PTPRK: variants seen among roughly 807,000 people sequenced by gnomAD.
PTPRK encodes the protein receptor-type tyrosine-protein phosphatase kappa.
PTPRK carries 75 observed loss-of-function variants against 178.0 expected under a neutral mutation model. The ratio of observed to expected loss-of-function variants is 0.42; its 90% CI spans 0.35 to 0.51. The LOEUF is 0.51. Among genes scored for constraint, PTPRK ranks in the 20% least tolerant of loss-of-function variants. PTPRK has a pLI of 0.02. For missense variants in PTPRK, 1,441 were observed against 1,797.8 expected (o/e 0.80, Z 3.59); for synonymous variants, 637 against 620.6 (o/e 1.03, Z -0.39).
chr6:128,149,760 C>G (rs1191102543), intron 7 of PTPRK, among the ~76,000 whole-genome samples: 2 of 152,084 alleles, frequency 1.3e-5, no homozygotes, highest in African/African-American at 4.8e-5. Flanking sequence ...TATATGGAAG[C>G]CCATTCATAT....
intron 7 of PTPRK, among the ~76,000 whole-genome samples, chr6:128,182,322 T>C (rs1188295569): frequency 6.6e-6 from 1 of 152,186 alleles, no homozygotes; most frequent in Non-Finnish European, 1.5e-5. Flanking sequence ...ACAGCTGTAA[T>C]TCAAGCACTT....
intron 3 of PTPRK, chr6:128,320,931 T>C (rs923849170): frequency 1.3e-5 from 2 of 152,062 alleles, no homozygotes; most frequent in Non-Finnish European, 2.9e-5. Flanking sequence ...CTAATGAAAA[T>C]CCATTGAAAA....
At chr6:128,444,250 T>C (rs1846652312) in intron 1 of PTPRK, among the ~76,000 whole-genome samples, 1 of 152,156 alleles carries the variant, frequency 6.6e-6, no homozygotes, top group African/African-American at 2.4e-5. Flanking sequence ...AAATCCTGCT[T>C]ATCAGTTTAG....
At chr6:128,089,635 C>T in intron 8 of PTPRK, 55 bp downstream of exon 8, 2 of 1,465,418 alleles carry the variant, frequency 1.4e-6, no homozygotes, top group Non-Finnish European at 1.9e-6. Flanking sequence ...TTAAAGTAAT[C>T]ACATTTTTCT....
At chr6:128,199,170 T>C (rs774443514) in intron 6 of PTPRK, among the ~76,000 whole-genome samples, 3 of 152,200 alleles carry the variant, frequency 2.0e-5, no homozygotes, top group Non-Finnish European at 4.4e-5. Context: ...TATAGTAGTA[T>C]ATTCAAATAC....
At chr6:128,121,661 A>G (rs942417167) in intron 7 of PTPRK, among the ~76,000 whole-genome samples, 2 of 152,030 alleles carry the variant, frequency 1.3e-5, no homozygotes, top group African/African-American at 2.4e-5. Flanking sequence ...ACTCAAAGGA[A>G]TAAGTCAAAA....
chr6:128,149,125 T>C (rs928611713), intron 7 of PTPRK, among the ~76,000 whole-genome samples: 1 of 127,196 alleles, frequency 7.9e-6, no homozygotes, highest in Non-Finnish European at 1.6e-5. Flanking sequence ...ACGGAAATAC[T>C]TGGACACAGG....
At chr6:128,350,958 A>G (rs1409465383) in intron 2 of PTPRK, among the ~76,000 whole-genome samples, 3 of 152,186 alleles carry the variant, frequency 2.0e-5, no homozygotes, top group Non-Finnish European at 4.4e-5. Context: ...CTCTTCTTCA[A>G]TTTCTAAGCA....
At chr6:128,353,981 G>C (rs558164022) in intron 2 of PTPRK, among the ~76,000 whole-genome samples, 34 of 152,006 alleles carry the variant, frequency 2.2e-4, no homozygotes, top group Non-Finnish European at 4.7e-4. Context: ...AGGGAAAATG[G>C]ATAAAGGGAC....
chr6:128,060,524 A>G (rs1780634435), intron 13 of PTPRK, among the ~76,000 whole-genome samples: 1 of 152,162 alleles, frequency 6.6e-6, no homozygotes, highest in African/African-American at 2.4e-5. Context: ...ATTCTGGTTA[A>G]TTCATTTGAA....
At chr6:128,500,766 C>G (rs1021151275) in intron 1 of PTPRK, 1 of 152,152 alleles carries the variant, frequency 6.6e-6, no homozygotes, top group Non-Finnish European at 1.5e-5. Flanking sequence ...AGTTAAAAAT[C>G]TACATTTTGT....
intron 1 of PTPRK, among the ~76,000 whole-genome samples, chr6:128,506,505 T>A (rs184379853): frequency 1.2e-3 from 183 of 151,828 alleles, no homozygotes; most frequent in African/African-American, 4.2e-3. Context: ...AAAAAATTTT[T>A]AAAAATTAGC....
chr6:128,239,554 A>G (rs1813993507), intron 5 of PTPRK, among the ~76,000 whole-genome samples: 1 of 152,228 alleles, frequency 6.6e-6, no homozygotes, highest in Admixed American at 6.5e-5. Flanking sequence ...TCTTCACCTC[A>G]GATCTGTGAT....
intron 1 of PTPRK, among the ~76,000 whole-genome samples, chr6:128,412,627 T>C (rs900389315): frequency 6.6e-6 from 1 of 152,184 alleles, no homozygotes; most frequent in Non-Finnish European, 1.5e-5. Context: ...CAGAGAACAC[T>C]AGCATTCCTG....
chr6:128,104,517 C>T (rs911443285), intron 7 of PTPRK, among the ~76,000 whole-genome samples: 8 of 152,278 alleles, frequency 5.3e-5, no homozygotes, highest in African/African-American at 1.9e-4. Flanking sequence ...CCACCACGCC[C>T]GGCCTATATT....
In PTPRK at chr6:128,396,890, C is replaced by A. The variant is rs560700342; in HGVS notation, c.223+676G>T. Among the ~76,000 whole-genome samples, 223 of 152,138 alleles carry A rather than the reference C, an allele frequency of 1.5e-3. 4 individuals are homozygous for A. Among genetic ancestry groups the A allele is most frequent in the Admixed American group, 0.012 (188 of 15,278 alleles). Reference sequence around the variant, plus strand: ...GTGCACGCCTGTAGTCCCAGCTACTCAGGAGGCTAAGGCAGGGGAATCACT... The same window carrying A: ...GTGCACGCCTGTAGTCCCAGCTACTAAGGAGGCTAAGGCAGGGGAATCACT... On this transcript the variant is annotated intron_variant, in intron 2 of 29. Coordinates refer to ENST00000368226, the MANE Select transcript of PTPRK (RefSeq NM_002844.4).
chr6:128,410,603 A>ACAGGCAGT (rs1435881906), intron 1 of PTPRK, among the ~76,000 whole-genome samples: 2 of 152,224 alleles, frequency 1.3e-5, no homozygotes, highest in Non-Finnish European at 2.9e-5. Flanking sequence ...AACCTCCACA[A>ACAGGCAGT]CAGGCAGTCC....
At chr6:127,979,047 C>T (rs1274374377) in intron 25 of PTPRK, among the ~76,000 whole-genome samples, 1 of 152,068 alleles carries the variant, frequency 6.6e-6, no homozygotes, top group Non-Finnish European at 1.5e-5. Flanking sequence ...GGATTACAAG[C>T]TTCAACTTTC....
rs947783043 is a variant in PTPRK, at chr6:127,976,604, T to C, written c.3969+53A>G. ...GTCTGAATAAAATTATACCACATCTTGGTTATGACTGACCTATTCTAGATC... is the reference window on the plus strand; with the variant it reads ...GTCTGAATAAAATTATACCACATCTCGGTTATGACTGACCTATTCTAGATC... On this transcript the variant is annotated intron_variant, in intron 27 of 29. Transcript: ENST00000368226. 159 of 1,599,560 alleles carry C rather than the reference T, an allele frequency of 9.9e-5. 1 individual carries two copies. In the East Asian group the frequency reaches 3.5e-3, roughly 35 times the overall value.
Sources: gnomAD v4.1 joint callset for allele counts (sites outside exome capture counted in the v4.1 genomes callset) on GRCh38, gnomAD v4.1.1 for gene constraint, MANE v1.5 for transcripts, NCBI Gene and HGNC (gene_info 2026-07-23, HGNC 2026-07-21) for gene names.